ASTN2: variants seen among roughly 807,000 people sequenced by gnomAD.
ASTN2 encodes the protein astrotactin-2.
A neutral mutation model predicts 139.8 loss-of-function variants in ASTN2; 54 were observed. That is an observed-to-expected ratio of 0.39 (90% confidence interval 0.31 to 0.48). ASTN2 has a LOEUF of 0.48. ASTN2 is among the 20% of genes least tolerant of loss of function. The pLI is 0.95. For missense variants in ASTN2, 1,565 were observed against 1,725.1 expected, an observed-to-expected ratio of 0.91 and a Z score of 1.64; for synonymous variants, 756 against 719.5, an observed-to-expected ratio of 1.05 and a Z score of -0.81.
At chr9:117,055,995 C>T (rs920060413) in intron 5 of ASTN2, among the ~76,000 whole-genome samples, 1 of 152,214 alleles carries the variant, frequency 6.6e-6, no homozygotes, top group Non-Finnish European at 1.5e-5. Context: ...GAGAGTGGCC[C>T]TATGGCCCAC....
intron 4 of ASTN2, among the ~76,000 whole-genome samples, chr9:117,096,404 C>G (rs1251612885): frequency 6.6e-6 from 1 of 152,164 alleles, no homozygotes; most frequent in East Asian, 1.9e-4. Flanking sequence ...GCCCTGGGTT[C>G]TGTCTCTCTA....
intron 2 of ASTN2, among the ~76,000 whole-genome samples, chr9:117,254,826 T>C (rs1446076252): frequency 2.6e-5 from 4 of 152,354 alleles, no homozygotes; most frequent in Middle Eastern, 3.4e-3. Context: ...ACACATTTTA[T>C]TCTATTCAGT....
chr9:116,743,073 G>T (rs1379817094), intron 13 of ASTN2, among the ~76,000 whole-genome samples: 2 of 152,108 alleles, frequency 1.3e-5, no homozygotes, highest in Admixed American at 6.5e-5. Context: ...TTGTACCAGA[G>T]ACCTTCCCTC....
chr9:116,814,769 T>C (rs1831264716), intron 12 of ASTN2, among the ~76,000 whole-genome samples: 1 of 152,196 alleles, frequency 6.6e-6, no homozygotes, highest in African/African-American at 2.4e-5. Flanking sequence ...CATGGGAAAC[T>C]CTGAACATTT....
In ASTN2 at chr9:117,074,005, AG is replaced by A. The variant is rs1828206415; in HGVS notation, c.1276+22038del. ...GGCAGCAGTTCACTTGATTCACACA[AG>A]CCCAGGCGATGGCCATTATTATCCC... On this transcript the variant is annotated intron_variant, in intron 5 of 22. Coordinates refer to ENST00000313400, the MANE Select transcript of ASTN2 (RefSeq NM_001365068.1). 3.3e-5 allele frequency among the ~76,000 whole-genome samples: 5 copies of A among 152,200 alleles called. No individual in the cohort carries two copies. The South Asian group carries it at 1.0e-3, about 32-fold the overall frequency.
At chr9:117,323,663 T>C (rs1828412637) in intron 1 of ASTN2, among the ~76,000 whole-genome samples, 1 of 152,212 alleles carries the variant, frequency 6.6e-6, no homozygotes, top group Non-Finnish European at 1.5e-5. Context: ...TTCAGTATTA[T>C]AACTCAACAA....
chr9:116,649,924 A>G (rs1857814837), intron 17 of ASTN2, among the ~76,000 whole-genome samples: 1 of 152,174 alleles, frequency 6.6e-6, no homozygotes, highest in African/African-American at 2.4e-5. Context: ...GGTCTTAGTC[A>G]TGAGGCATTT....
rs374403232 is a variant in ASTN2 at position 116,551,999 on chromosome 9, A to G, written c.3356-64499T>C. On this transcript the variant is annotated intron_variant, in intron 19 of 22. Coordinates refer to ENST00000313400, the MANE Select transcript of ASTN2 (RefSeq NM_001365068.1). ...TTCTGAAGTAGCCTGCCACATATAC[A>G]TATACATATACATACACATATACAT... 9 of 149,396 alleles carry G rather than the reference A, an allele frequency of 6.0e-5. No homozygotes were observed. The East Asian group carries it at 1.4e-3, about 22-fold the overall frequency. The allele number at this position is 149,396 out of a possible 1,614,324, so 9.3% of individuals were successfully genotyped here. A position where few individuals can be genotyped will look rare whatever the true frequency, so the allele number is the denominator to read the frequency against.
chr9:116,807,836 G>A (rs1171946628), intron 12 of ASTN2, among the ~76,000 whole-genome samples: 1 of 152,062 alleles, frequency 6.6e-6, no homozygotes, highest in African/African-American at 2.4e-5. Context: ...GTCTGGCAGG[G>A]CGCAGTGGCT....
chr9:117,281,343 T>C (rs1339145557), intron 2 of ASTN2, among the ~76,000 whole-genome samples: 2 of 152,074 alleles, frequency 1.3e-5, no homozygotes, highest in Non-Finnish European at 2.9e-5. Context: ...AGAATCACAG[T>C]TTAAGTCCTC....
chr9:116,477,453 C>A (rs1427538394), intron 20 of ASTN2, among the ~76,000 whole-genome samples: 1 of 151,984 alleles, frequency 6.6e-6, no homozygotes, highest in Admixed American at 6.6e-5. Context: ...ACATCAGTCA[C>A]CCCCGTCCCT....
At chr9:116,703,679 A>G (rs1827911853) in intron 16 of ASTN2, among the ~76,000 whole-genome samples, 1 of 151,768 alleles carries the variant, frequency 6.6e-6, no homozygotes, top group Non-Finnish European at 1.5e-5. Flanking sequence ...ATACGTATGT[A>G]ACTAACCTGC....
intron 19 of ASTN2, among the ~76,000 whole-genome samples, chr9:116,533,059 T>G (rs914400225): frequency 2.0e-3 from 302 of 152,344 alleles, no homozygotes; most frequent in African/African-American, 7.0e-3. Context: ...GTAGTTATCC[T>G]TGAAGAGTTC....
chr9:116,888,349 G>C (rs911591812), intron 10 of ASTN2, among the ~76,000 whole-genome samples: 1 of 152,134 alleles, frequency 6.6e-6, no homozygotes, highest in South Asian at 2.1e-4. Context: ...TGTACATACA[G>C]GCAGTGACAA....
At chr9:116,721,778 A>G (rs1828479948) in intron 16 of ASTN2, among the ~76,000 whole-genome samples, 1 of 152,170 alleles carries the variant, frequency 6.6e-6, no homozygotes, top group Non-Finnish European at 1.5e-5. Flanking sequence ...CTGGTGATAT[A>G]AAACTCTGCC....
chr9:117,121,159 A>G (rs893470012), intron 4 of ASTN2, among the ~76,000 whole-genome samples: 1 of 152,208 alleles, frequency 6.6e-6, no homozygotes, highest in African/African-American at 2.4e-5. Flanking sequence ...TAACTGTTCT[A>G]CCCTCTGTCG....
At chr9:116,830,627 A>G (rs75969429) in intron 11 of ASTN2, among the ~76,000 whole-genome samples, 1 of 98,000 alleles carries the variant, frequency 1.0e-5, no homozygotes, top group Admixed American at 1.2e-4. Context: ...CCCTGTCTCT[A>G]CTAAAAGTAC....
intron 10 of ASTN2, among the ~76,000 whole-genome samples, chr9:116,942,770 A>T (rs1835276888): frequency 6.6e-6 from 1 of 152,204 alleles, no homozygotes; most frequent in African/African-American, 2.4e-5. Context: ...AGATTGAAAC[A>T]ATAAGAGGCC....
At position 116,424,753 on chromosome 9, in the gene ASTN2, T is replaced by C. The variant is rs771795804; in HGVS notation, c.*1098A>G. Among the ~76,000 whole-genome samples the C allele has an allele frequency of 6.6e-6, 1 of 152,108 alleles. No individual in the cohort carries two copies. The highest frequency in any genetic ancestry group is 6.5e-5 in the Admixed American group (1 of 15,270). On this transcript the variant is annotated 3_prime_UTR_variant, in exon 23 of 23. Transcript: ENST00000313400. Reference sequence around the variant, plus strand: ...CGTGCCACCATGCCCTGCTATTTTTTATTTTTTGTATTGTTAGTAGAGACG... The same window carrying C: ...CGTGCCACCATGCCCTGCTATTTTTCATTTTTTGTATTGTTAGTAGAGACG...
Sources: gnomAD v4.1 joint callset for allele counts (sites outside exome capture counted in the v4.1 genomes callset) on GRCh38, gnomAD v4.1.1 for gene constraint, MANE v1.5 for transcripts, NCBI Gene and HGNC (gene_info 2026-07-23, HGNC 2026-07-21) for gene names.